HDLBP: variants seen among roughly 807,000 people sequenced by gnomAD.
The protein encoded by HDLBP is vigilin.
A neutral mutation model predicts 137.3 loss-of-function variants in HDLBP; 30 were observed. The ratio of observed to expected loss-of-function variants is 0.22; its 90% CI spans 0.16 to 0.30. The LOEUF is 0.30. Ranked by LOEUF, HDLBP falls within the 10% of genes least tolerant of loss-of-function variation. The pLI is 1.00. For missense variants in HDLBP, 1,119 were observed against 1,667.3 expected (o/e 0.67, Z 5.73); for synonymous variants, 606 against 596.0 (o/e 1.02, Z -0.24).
intron 1 of HDLBP, among the ~76,000 whole-genome samples, chr2:241,291,197 C>T (rs1458918565): frequency 1.3e-5 from 2 of 152,206 alleles, no homozygotes; most frequent in African/African-American, 4.8e-5. Context: ...TCATTAAGAA[C>T]CAAGATTTTA....
Position 241,272,429 on chromosome 2 carries a change from G to A in HDLBP, c.-102-3888C>T, listed in dbSNP as rs905748354. The A allele has an allele frequency of 2.0e-6, 2 of 984,428 alleles. No homozygotes were observed. The highest frequency in any genetic ancestry group is 3.5e-5 in the African/African-American group (2 of 57,054). The allele number at this position is 984,428 out of a possible 1,614,324, so 61.0% of individuals were successfully genotyped here. A position where few individuals can be genotyped will look rare whatever the true frequency, so the allele number is the denominator to read the frequency against. On this transcript the variant is annotated intron_variant, in intron 1 of 27. Transcript: ENST00000310931. This position sits in a 1 kb window ranked among gnomAD's most constrained non-coding sequence, Gnocchi z 5.6. ...ACCAGGGGTGCCCCACCGAAGCCCC[G>A]GGAGGAGGCGGGGGAGCCCAGCTTG...
In HDLBP at chr2:241,307,114, A is replaced by G. The variant is rs544607773; in HGVS notation, c.-103+8456T>C. Among the ~76,000 whole-genome samples, 5 of 152,108 alleles carry G rather than the reference A, an allele frequency of 3.3e-5. No homozygotes were observed. In the South Asian group the frequency reaches 1.0e-3, roughly 32 times the overall value. On this transcript the variant is annotated intron_variant, in intron 1 of 27. Coordinates refer to ENST00000310931, the MANE Select transcript of HDLBP (RefSeq NM_005336.6). Reference sequence around the variant, plus strand: ...GGGGGGCAGTGTCATCCTAACCTGGATAAACATCTCAACTCTTTGTTGAGT... The same window carrying G: ...GGGGGGCAGTGTCATCCTAACCTGGGTAAACATCTCAACTCTTTGTTGAGT...
At chr2:241,309,670 C>G (rs1439343912) in intron 1 of HDLBP, among the ~76,000 whole-genome samples, 1 of 152,202 alleles carries the variant, frequency 6.6e-6, no homozygotes, top group East Asian at 1.9e-4. Context: ...CAGAGCCAAC[C>G]TGCACAGTCC....
Position 241,229,217 on chromosome 2 carries a change from C to T in HDLBP, c.*384G>A. On this transcript the variant is annotated 3_prime_UTR_variant, in exon 28 of 28. Coordinates refer to ENST00000310931, the MANE Select transcript of HDLBP (RefSeq NM_005336.6). ...GGAAAGGAAGAGGGCAAACGTTTGG[C>T]TTTTATAAAGTCAAGGACGTTTATT... 4.6e-6 allele frequency: 1 copy of T among 217,576 alleles called. No homozygotes were observed. The highest frequency in any genetic ancestry group is 6.1e-5 in the South Asian group (1 of 16,498). The allele number at this position is 217,576 out of a possible 1,614,324, so 13.5% of individuals were successfully genotyped here.
Position 241,240,853 on chromosome 2 carries a change from G to T in HDLBP, c.2170-731C>A, listed in dbSNP as rs2071143518. Reference sequence around the variant, plus strand: ...GCCCCGAGAAGGGCGCTGCTCCACGGGACTCAGGTCCACACGGGGAGCTCT... The same window carrying T: ...GCCCCGAGAAGGGCGCTGCTCCACGTGACTCAGGTCCACACGGGGAGCTCT... On this transcript the variant is annotated intron_variant, in intron 17 of 27. Coordinates refer to ENST00000310931, the MANE Select transcript of HDLBP (RefSeq NM_005336.6). The surrounding 1 kb of genome is among the most constrained non-coding windows in gnomAD (Gnocchi z 5.5). Among the ~76,000 whole-genome samples, 2 of 152,216 alleles carry T rather than the reference G, an allele frequency of 1.3e-5. No individual in the cohort carries two copies. The highest frequency in any genetic ancestry group is 2.1e-4 in the South Asian group (1 of 4,818).
At chr2:241,257,591 CA>C (rs1559512241) in intron 5 of HDLBP, among the ~76,000 whole-genome samples, 2 of 152,186 alleles carry the variant, frequency 1.3e-5, no homozygotes, top group African/African-American at 4.8e-5. Context: ...AATAGCAAGA[CA>C]CAAGCCCAAC....
At chr2:241,273,616 TGTCA>T (rs1414225572) in intron 1 of HDLBP, 1 of 985,244 alleles carries the variant, frequency 1.0e-6, no homozygotes, top group Non-Finnish European at 1.2e-6. Context: ...TCTGTAGAGA[TGTCA>T]GTCTGAACCT....
chr2:241,264,324 T>C, intron 4 of HDLBP, 124 bp downstream of exon 4: 1 of 618,212 alleles, frequency 1.6e-6, no homozygotes, highest in South Asian at 2.2e-5. Context: ...ATCGCACCAC[T>C]GCACTCCAGC....
In HDLBP at chr2:241,233,505, G is replaced by A. The variant is rs138375930; in HGVS notation, c.3288+315C>T. Among the ~76,000 whole-genome samples the A allele has an allele frequency of 2.8e-4, 43 of 152,200 alleles. No homozygotes were observed. Among genetic ancestry groups the A allele is most frequent in the African/African-American group, 9.6e-4 (40 of 41,520 alleles). On this transcript the variant is annotated intron_variant, in intron 24 of 27. Transcript: ENST00000310931. This position sits in a 1 kb window ranked among gnomAD's most constrained non-coding sequence, Gnocchi z 4.3. ...GCCCTTGGGAGCCTCAGAGAGGCCC[G>A]GGTGACAGGTGAATGAGCTACACCT...
At chr2:241,242,763 G>A in intron 16 of HDLBP, 85 bp from the exon 17 acceptor site, 2 of 1,180,494 alleles carry the variant, frequency 1.7e-6, no homozygotes, top group South Asian at 1.3e-5. Flanking sequence ...CATCTTTGGT[G>A]GTGATGAACA....
At chr2:241,288,199 C>T (rs2074895334) in intron 1 of HDLBP, among the ~76,000 whole-genome samples, 1 of 152,194 alleles carries the variant, frequency 6.6e-6, no homozygotes, top group South Asian at 2.1e-4. Flanking sequence ...CTCTGCTGTG[C>T]TATTCTCATT....
chr2:241,230,922 G>A lies in HDLBP; in HGVS notation c.3311C>T (p.Thr1104Ile). The A allele has an allele frequency of 6.2e-7, 1 of 1,613,738 alleles. No homozygotes were observed. Among genetic ancestry groups the A allele is most frequent in the Non-Finnish European group, 8.5e-7 (1 of 1,179,638 alleles). ...AGCTTCTGTGTTCTTTTCGTACCCT[G>A]TGATGGTAATTTGGTCCTGGGGCTA... The part of the protein sequence containing the change: ...GNQPQDQITI[T>I]GYEKNTEAAR... The change falls in exon 25 of 28, where the codon ACA (threonine) becomes ATA (isoleucine). Residue 1104 changes from threonine to isoleucine, a missense_variant. Coordinates refer to ENST00000310931, the MANE Select transcript of HDLBP (RefSeq NM_005336.6). This position sits in a 1 kb window ranked among gnomAD's most constrained non-coding sequence, Gnocchi z 5.0.
intron 5 of HDLBP, among the ~76,000 whole-genome samples, chr2:241,260,021 G>A: frequency 6.6e-6 from 1 of 152,014 alleles, no homozygotes; most frequent in East Asian, 1.9e-4. Context: ...TTATTATTTT[G>A]AGACAGAGTT....
rs569488944 is a variant in HDLBP at position 241,306,438 on chromosome 2, T to C, written c.-103+9132A>G. The stretch of plus-strand genomic sequence containing the variant: ...CCACGCCCGGCTAGTTTTGTATTTT[T>C]AGTAGAGACGGGGCTTCTCCATGTT... On this transcript the variant is annotated intron_variant, in intron 1 of 27. Coordinates refer to ENST00000310931, the MANE Select transcript of HDLBP (RefSeq NM_005336.6). 4.9e-3 allele frequency among the ~76,000 whole-genome samples: 750 copies of C among 152,090 alleles called. 2 individuals carry two copies. The highest frequency in any genetic ancestry group is 8.0e-3 in the Non-Finnish European group (544 of 67,970).
chr2:241,230,318 G>C lies in HDLBP; in HGVS notation c.3475-49C>G. ...ATGAGGGGACTCCAAGCGAGGAAAA[G>C]GGTTAAAATTATGTGTCAATTTCTA... is the stretch of plus-strand genomic sequence containing the variant. On this transcript the variant is annotated intron_variant, in intron 25 of 27. Coordinates refer to ENST00000310931, the MANE Select transcript of HDLBP (RefSeq NM_005336.6). The surrounding 1 kb of genome is among the most constrained non-coding windows in gnomAD (Gnocchi z 5.0). 1.8e-6 allele frequency: 2 copies of C among 1,137,020 alleles called. No homozygotes were observed. Among genetic ancestry groups the C allele is most frequent in the Non-Finnish European group, 1.3e-6 (1 of 786,656 alleles). 70.4% of individuals were successfully genotyped at this position (1,137,020 alleles called of 1,614,324 possible).
At chr2:241,246,939 C>T (rs757205032) in intron 15 of HDLBP, 56 bp from the exon 16 acceptor site, 81 of 1,597,680 alleles carry the variant, frequency 5.1e-5, no homozygotes, top group Non-Finnish European at 6.9e-5. Flanking sequence ...AGAGTTGAGA[C>T]ACAGTTGAGC....
chr2:241,236,988 G>GTT (rs1559482550), intron 20 of HDLBP, among the ~76,000 whole-genome samples: 4 of 150,674 alleles, frequency 2.7e-5, no homozygotes, highest in African/African-American at 9.8e-5. Context: ...GGGGGGGGGG[G>GTT]GGGGGGCGGC....
In HDLBP at chr2:241,272,401, G is replaced by A. The variant is rs1473933179; in HGVS notation, c.-102-3860C>T. ...CCGCCCCTCCGCGCCGTGCGGCCAC[G>A]GCACCAGGGGTGCCCCACCGAAGCC... On this transcript the variant is annotated intron_variant, in intron 1 of 27. Coordinates refer to ENST00000310931, the MANE Select transcript of HDLBP (RefSeq NM_005336.6). The surrounding 1 kb of genome is among the most constrained non-coding windows in gnomAD (Gnocchi z 5.6). 3 of 984,682 alleles carry A rather than the reference G, an allele frequency of 3.0e-6. No individual in the cohort carries two copies. The highest frequency in any genetic ancestry group is 3.6e-6 in the Non-Finnish European group (3 of 829,708). 61.0% of individuals were successfully genotyped at this position (984,682 alleles called of 1,614,324 possible).
intron 11 of HDLBP, among the ~76,000 whole-genome samples, chr2:241,251,772 T>C (rs1312085002): frequency 6.6e-6 from 1 of 152,132 alleles, no homozygotes; most frequent in Non-Finnish European, 1.5e-5. Flanking sequence ...GTCAGCAGTT[T>C]GACACCAGCC....
Sources: allele counts gnomAD v4.1 joint callset (sites outside exome capture counted in the v4.1 genomes callset), GRCh38; gene constraint gnomAD v4.1.1; non-coding constraint Gnocchi (gnomAD v3.1); transcripts MANE v1.5; gene names NCBI Gene and HGNC (gene_info 2026-07-23, HGNC 2026-07-21).